Variants in ZFYVE9 observed in about 807,000 individuals in gnomAD.
ZFYVE9 encodes the protein zinc finger FYVE domain-containing protein 9.
ZFYVE9 carries 43 observed loss-of-function variants against 126.7 expected under a neutral mutation model. That is an observed-to-expected ratio of 0.34 (90% confidence interval 0.27 to 0.44). ZFYVE9 has a LOEUF of 0.44. Ranked by LOEUF, ZFYVE9 falls within the 20% of genes least tolerant of loss-of-function variation. The probability of loss-of-function intolerance (pLI) is 1.00; values close to 1 mark genes in which losing one functional copy is unlikely to be tolerated. For missense variants in ZFYVE9, 1,476 were observed against 1,697.0 expected (o/e 0.87, Z 2.29); for synonymous variants, 521 against 597.4 (o/e 0.87, Z 1.87).
chr1:52,143,106 T>C (rs1384593744), intron 1 of ZFYVE9, among the ~76,000 whole-genome samples: 3 of 152,200 alleles, frequency 2.0e-5, no homozygotes, highest in African/African-American at 4.8e-5. Flanking sequence ...CTCACAGTTA[T>C]AAAAACGTCT....
intron 1 of ZFYVE9, among the ~76,000 whole-genome samples, chr1:52,182,455 A>C (rs1383187271): frequency 6.6e-6 from 1 of 152,074 alleles, no homozygotes; most frequent in Non-Finnish European, 1.5e-5. Context: ...CTTACCCCGA[A>C]CCCTGTGCTC....
chr1:52,191,083 T>C (rs1486134487), intron 1 of ZFYVE9, among the ~76,000 whole-genome samples: 2 of 151,974 alleles, frequency 1.3e-5, no homozygotes, highest in African/African-American at 2.4e-5. Context: ...GGACTATAAA[T>C]GCATGCCACC....
rs768661285 is a variant in ZFYVE9, at chr1:52,233,291, T to C, written c.70+15T>C. ...ACAAAACGAAGGTGAGAATTTATAT[T>C]GGTGAATCTGTTTGCCTATGTGGTA... On this transcript the variant is annotated intron_variant, in intron 3 of 18. Transcript: ENST00000287727. 20 of 1,560,950 alleles carry C rather than the reference T, an allele frequency of 1.3e-5. No homozygotes were observed. The Admixed American group carries it at 3.5e-4, about 27-fold the overall frequency.
At position 52,337,794 on chromosome 1, in the gene ZFYVE9, T is replaced by C; in HGVS notation, c.3693T>C (p.Thr1231=). The C allele has an allele frequency of 1.9e-6, 3 of 1,614,254 alleles. No individual in the cohort carries two copies. The highest frequency in any genetic ancestry group is 2.5e-6 in the Non-Finnish European group (3 of 1,180,040). The change falls in exon 16 of 19, where the codon ACT becomes ACC. Residue 1231 remains threonine, a synonymous_variant. Transcript: ENST00000287727. ...IVEDGVMVQI[T]AENMDSLRQA... is the part of the protein sequence containing the mutation. ...TAGATGGTGTTATGGTCCAGATTAC[T>C]GCAGAGAACATGGATTCCTTGAGGC... is the stretch of plus-strand genomic sequence containing the variant.
chr1:52,251,158 G>A (rs1433177910), intron 4 of ZFYVE9, among the ~76,000 whole-genome samples: 1 of 151,968 alleles, frequency 6.6e-6, no homozygotes, highest in Non-Finnish European at 1.5e-5. Context: ...TGCAACCTCT[G>A]CCTCTCGGGT....
At chr1:52,276,894 A>G (rs1252972094) in intron 8 of ZFYVE9, among the ~76,000 whole-genome samples, 4 of 152,220 alleles carry the variant, frequency 2.6e-5, no homozygotes, top group Non-Finnish European at 5.9e-5. Context: ...CTTATTTTAT[A>G]CTTGCATTTA....
chr1:52,216,487 T>G lies in ZFYVE9; in HGVS notation c.-37+13T>G. On this transcript the variant is annotated intron_variant, in intron 2 of 18. Transcript: ENST00000287727. ...TAAGGGGAAAAAGGTAAGAAAATGT[T>G]TTTATTTCTCTTAGAGATTGAACTT... The G allele has an allele frequency of 2.5e-6, 1 of 398,470 alleles. No individual in the cohort carries two copies. The highest frequency in any genetic ancestry group is 3.6e-5 in the East Asian group (1 of 28,068). The allele number at this position is 398,470 out of a possible 1,614,324, so 24.7% of individuals were successfully genotyped here.
At chr1:52,247,566 G>A (rs1362017987) in intron 4 of ZFYVE9, among the ~76,000 whole-genome samples, 3 of 151,880 alleles carry the variant, frequency 2.0e-5, no homozygotes, top group African/African-American at 7.3e-5. Context: ...GCGCAATCTC[G>A]GCTCACTGCA....
chr1:52,334,747 G>A lies in ZFYVE9; in HGVS notation c.3649G>A (p.Ala1217Thr), dbSNP rs1646373937. The change falls in exon 15 of 19, where the codon GCC becomes ACC. Residue 1217 changes from alanine (A) to threonine (T), a missense_variant. By Grantham distance (58) the Ala-to-Thr change is moderately conservative (BLOSUM62 0). Transcript: ENST00000287727. ...TCTGAAATCCTCTTCTGGATACCTTGCCAAGTCCAGTATTGTGGAAGGTAA... is the reference window on the plus strand; with the variant it reads ...TCTGAAATCCTCTTCTGGATACCTTACCAAGTCCAGTATTGTGGAAGGTAA... ...GALKSSSGYL[A>T]KSSIVEDGVM... 1 of 1,613,844 alleles carries A rather than the reference G, an allele frequency of 6.2e-7. No homozygotes were observed. The highest frequency in any genetic ancestry group is 8.5e-7 in the Non-Finnish European group (1 of 1,179,874).
intron 1 of ZFYVE9, among the ~76,000 whole-genome samples, chr1:52,144,630 T>A (rs1644291617): frequency 7.6e-6 from 1 of 131,988 alleles, no homozygotes; most frequent in Non-Finnish European, 1.6e-5. Context: ...CATTTCTTTC[T>A]TTTTTTTTTT....
chr1:52,162,679 C>G (rs1384440575), intron 1 of ZFYVE9: 2 of 290,400 alleles, frequency 6.9e-6, no homozygotes, highest in East Asian at 1.6e-4. Context: ...GTGTTGGGAT[C>G]TGGATTTGCC....
intron 10 of ZFYVE9, among the ~76,000 whole-genome samples, chr1:52,286,333 A>G (rs961549420): frequency 6.6e-6 from 1 of 152,170 alleles, no homozygotes; most frequent in African/African-American, 2.4e-5. Flanking sequence ...TATTGAATGA[A>G]CTTTTTTATA....
At chr1:52,243,696 TATG>T (rs1237706738) in intron 4 of ZFYVE9, among the ~76,000 whole-genome samples, 1 of 151,878 alleles carries the variant, frequency 6.6e-6, no homozygotes, top group Non-Finnish European at 1.5e-5. Context: ...CTGAGCATGT[TATG>T]ATCATGTCTA....
chr1:52,344,027 A>G (rs564411121), intron 17 of ZFYVE9, among the ~76,000 whole-genome samples: 1 of 151,340 alleles, frequency 6.6e-6, no homozygotes, highest in South Asian at 2.1e-4. Flanking sequence ...GGCAGAGGTC[A>G]TGCCACTGCA....
chr1:52,266,931 A>G (rs1645639658), intron 6 of ZFYVE9, 100 bp downstream of exon 6: 18 of 1,150,254 alleles, frequency 1.6e-5, no homozygotes, highest in Non-Finnish European at 2.1e-5. Flanking sequence ...AACACTGCAG[A>G]TAAGTCTCTT....
rs1407760328 is a variant in ZFYVE9, at chr1:52,281,676, G to C, written c.2885G>C (p.Cys962Ser). 5.0e-6 allele frequency: 8 copies of C among 1,614,118 alleles called. No individual in the cohort carries two copies. Among genetic ancestry groups the C allele is most frequent in the South Asian group, 1.1e-5 (1 of 91,076 alleles). Residue 962 changes from cysteine (C) to serine (S), a missense_variant, in exon 10 of 19, where the codon TGC (cysteine) becomes TCC (serine). By Grantham distance (112) the Cys-to-Ser change is moderately radical (BLOSUM62 -1). Coordinates refer to ENST00000287727, the MANE Select transcript of ZFYVE9 (RefSeq NM_004799.4). ...CCATCTGTAGATGTGAACAGGAAGTGCTGGTGTTTCACAACCAAGGGAATG... is the reference window on the plus strand; with the variant it reads ...CCATCTGTAGATGTGAACAGGAAGTCCTGGTGTTTCACAACCAAGGGAATG... Reference protein sequence around the residue: ...VKIVNYVNRKCWCFTTKGMHA... With the variant: ...VKIVNYVNRKSWCFTTKGMHA...
At chr1:52,163,117 A>G (rs1191717580) in intron 1 of ZFYVE9, 2 of 213,848 alleles carry the variant, frequency 9.4e-6, no homozygotes, top group South Asian at 3.1e-4. Flanking sequence ...AAACAATTCA[A>G]AATAGCCTTA....
intron 13 of ZFYVE9, among the ~76,000 whole-genome samples, chr1:52,305,810 C>T (rs1328625646): frequency 2.6e-5 from 4 of 152,198 alleles, no homozygotes; most frequent in Non-Finnish European, 5.9e-5. Flanking sequence ...GAAATGCCTG[C>T]TCCTACTGCC....
intron 1 of ZFYVE9, among the ~76,000 whole-genome samples, chr1:52,146,152 T>A (rs912345901): frequency 6.6e-5 from 10 of 152,122 alleles, no homozygotes; most frequent in African/African-American, 2.4e-4. Context: ...TTTGGCATTG[T>A]AAGTAGTCTA....
Sources: allele counts gnomAD v4.1 joint callset (sites outside exome capture counted in the v4.1 genomes callset), GRCh38; gene constraint gnomAD v4.1.1; transcripts MANE v1.5; gene names NCBI Gene and HGNC (gene_info 2026-07-23, HGNC 2026-07-21).